PCDH11X: variants seen among roughly 807,000 people sequenced by gnomAD.
PCDH11X encodes the protein protocadherin 11 X-linked, also known as protocadherin-11 X-linked.
A neutral mutation model predicts 53.3 loss-of-function variants in PCDH11X; 18 were observed. The ratio of observed to expected loss-of-function variants is 0.34; its 90% CI spans 0.23 to 0.50. The LOEUF (loss-of-function observed/expected upper bound fraction) is 0.50, where lower values mean the gene tolerates loss of function less well. Ranked by LOEUF, PCDH11X falls within the 20% of genes least tolerant of loss-of-function variation. The probability of loss-of-function intolerance (pLI) is 0.98; values close to 1 mark genes in which losing one functional copy is unlikely to be tolerated. For synonymous variants in PCDH11X, 279 were observed against 393.3 expected, an observed-to-expected ratio of 0.71 and a Z score of 3.44; for missense variants, 570 against 1,032.4, an observed-to-expected ratio of 0.55 and a Z score of 6.14.
At chrX:92,542,394 G>A (rs2750971) in intron 10 of PCDH11X, among the ~76,000 whole-genome samples, 1 of 111,576 alleles carries the variant, frequency 9.0e-6, no homozygotes, top group South Asian at 3.7e-4. Context: ...ATTTCCAAAC[G>A]TTTGACTTTA....
chrX:92,060,823 C>A (rs1245726891), intron 6 of PCDH11X, among the ~76,000 whole-genome samples: 1 of 111,468 alleles, frequency 9.0e-6, no homozygotes, highest in East Asian at 2.8e-4. Context: ...AGAACAATTT[C>A]TATTCGTTTG....
At chrX:91,972,660 T>TACATATGGCTAGCCAGTTTTCC in intron 6 of PCDH11X, among the ~76,000 whole-genome samples, 1 of 105,481 alleles carries the variant, frequency 9.5e-6, no homozygotes, top group Middle Eastern at 4.9e-3. Flanking sequence ...TTCAGCTTTC[T>TACATATGGCTAGCCAGTTTTCC]ACATATGGCT....
intron 6 of PCDH11X, among the ~76,000 whole-genome samples, chrX:92,041,468 T>C (rs2063208274): frequency 9.0e-6 from 1 of 110,737 alleles, no homozygotes; most frequent in Admixed American, 9.7e-5. Flanking sequence ...CATGTAGTGT[T>C]TTGAAATCAC....
intron 8 of PCDH11X, among the ~76,000 whole-genome samples, chrX:92,316,706 G>A (rs1436482368): frequency 9.0e-6 from 1 of 110,643 alleles, no homozygotes; most frequent in Non-Finnish European, 1.9e-5. Context: ...TAACTTACTG[G>A]GGTCAAAACT....
At chrX:92,091,859 G>T (rs1474745531) in intron 6 of PCDH11X, among the ~76,000 whole-genome samples, 1 of 111,218 alleles carries the variant, frequency 9.0e-6, no homozygotes, top group African/African-American at 3.3e-5. Context: ...AGACCTAAAA[G>T]AGTGCCTGGC....
At chrX:92,389,548 A>G (rs1433502916) in intron 9 of PCDH11X, among the ~76,000 whole-genome samples, 2 of 111,398 alleles carry the variant, frequency 1.8e-5, no homozygotes, top group Non-Finnish European at 3.8e-5. Context: ...ACAATTAAAG[A>G]GTAAACTCAG....
At chrX:92,334,431 C>T (rs1233250451) in intron 8 of PCDH11X, among the ~76,000 whole-genome samples, 1 of 111,550 alleles carries the variant, frequency 9.0e-6, no homozygotes, top group East Asian at 2.8e-4. Flanking sequence ...CTTTAAACTC[C>T]CTGTGATGCT....
Position 92,243,351 on chromosome X carries a change from T to C in PCDH11X, c.3115-19763T>C, listed in dbSNP as rs757887797. ...TATCCAATTGCATGAGAAACACTTA[T>C]AGAAAAGGATACCCTTCCTTCATTG... is the stretch of plus-strand genomic sequence containing the variant. On this transcript the variant is annotated intron_variant, in intron 7 of 10. Transcript: ENST00000682573. 2.0e-3 allele frequency among the ~76,000 whole-genome samples: 225 copies of C among 111,173 alleles called. 1 individual carries two copies. Among genetic ancestry groups the C allele is most frequent in the African/African-American group, 7.0e-3 (215 of 30,686 alleles).
chrX:92,011,585 A>G (rs1033778605), intron 6 of PCDH11X, among the ~76,000 whole-genome samples: 102 of 111,908 alleles, frequency 9.1e-4, no homozygotes, highest in Non-Finnish European at 1.8e-3. Context: ...TACAAGAAGT[A>G]TAGAAAAGAA....
chrX:92,563,444 G>A (rs1014603047), intron 10 of PCDH11X, among the ~76,000 whole-genome samples: 1 of 109,257 alleles, frequency 9.2e-6, no homozygotes, highest in Non-Finnish European at 1.9e-5. Flanking sequence ...ACATTTCAAT[G>A]TAAGATTTGG....
intron 6 of PCDH11X, among the ~76,000 whole-genome samples, chrX:92,083,803 T>C: frequency 9.0e-6 from 1 of 111,458 alleles, no homozygotes; most frequent in Non-Finnish European, 1.9e-5. Flanking sequence ...ATAAAAAGCA[T>C]CTTAGAGCCA....
intron 7 of PCDH11X, among the ~76,000 whole-genome samples, chrX:92,209,432 G>A (rs965933420): frequency 5.3e-5 from 6 of 112,255 alleles, no homozygotes; most frequent in Non-Finnish European, 1.1e-4. Flanking sequence ...CCAAAACCCA[G>A]CAGGGCAGTT....
intron 6 of PCDH11X, among the ~76,000 whole-genome samples, chrX:92,020,069 A>C (rs1193004379): frequency 8.9e-6 from 1 of 112,541 alleles, no homozygotes; most frequent in Non-Finnish European, 1.9e-5. Context: ...CCCATGAACC[A>C]GAAGATTCCA....
At chrX:92,260,853 C>T (rs2067700958) in intron 7 of PCDH11X, among the ~76,000 whole-genome samples, 1 of 111,805 alleles carries the variant, frequency 8.9e-6, no homozygotes, top group Non-Finnish European at 1.9e-5. Context: ...ACATACGACA[C>T]AACATGACTA....
At chrX:91,823,877 C>G (rs1044266705) in intron 4 of PCDH11X, among the ~76,000 whole-genome samples, 14 of 110,638 alleles carry the variant, frequency 1.3e-4, no homozygotes, top group African/African-American at 4.3e-4. Context: ...CTGGTGGTGA[C>G]AAAATCTCTC....
At chrX:91,999,839 C>G (rs1192742013) in intron 6 of PCDH11X, among the ~76,000 whole-genome samples, 1 of 111,036 alleles carries the variant, frequency 9.0e-6, no homozygotes, top group African/African-American at 3.3e-5. Flanking sequence ...AACTGTATGT[C>G]CTTGGATTAA....
intron 10 of PCDH11X, among the ~76,000 whole-genome samples, chrX:92,538,064 A>C (rs1420097963): frequency 9.9e-6 from 1 of 100,757 alleles, no homozygotes; most frequent in Admixed American, 1.1e-4. Context: ...AGGTACATAC[A>C]TATTTATAAT....
intron 6 of PCDH11X, among the ~76,000 whole-genome samples, chrX:92,048,711 A>C (rs1217750627): frequency 1.8e-5 from 2 of 109,738 alleles, no homozygotes; most frequent in African/African-American, 6.9e-5. Flanking sequence ...CATCAAATAC[A>C]GTTGTTGATG....
intron 6 of PCDH11X, among the ~76,000 whole-genome samples, chrX:92,008,199 CCTAGTTCAGCA>C (rs1470429286): frequency 1.8e-5 from 2 of 110,857 alleles, no homozygotes; most frequent in East Asian, 5.7e-4. Flanking sequence ...TGTCTCTGGG[CCTAGTTCAGCA>C]CTAGGACTCA....
Sources: allele counts gnomAD v4.1 joint callset (sites outside exome capture counted in the v4.1 genomes callset), GRCh38; gene constraint gnomAD v4.1.1; transcripts MANE v1.5; gene names NCBI Gene and HGNC (gene_info 2026-07-23, HGNC 2026-07-21).